The following BTBD9 variants were observed in gnomAD, a reference collection of about 807,000 sequenced individuals.
BTBD9 encodes BTB domain containing 9, also known as BTB/POZ domain-containing protein 9.
A neutral mutation model predicts 64.3 loss-of-function variants in BTBD9; 49 were observed. The ratio of observed to expected loss-of-function variants is 0.76; its 90% CI spans 0.61 to 0.97. The LOEUF (loss-of-function observed/expected upper bound fraction) is 0.97, where lower values mean the gene tolerates loss of function less well. Among genes scored for constraint, BTBD9 ranks in the 50% least tolerant of loss-of-function variants. The pLI is 0.00. For missense variants in BTBD9, 598 were observed against 762.1 expected (o/e 0.78, Z 2.53); for synonymous variants, 260 against 274.7 (o/e 0.95, Z 0.53).
At chr6:38,468,314 T>A (rs1770488981) in intron 6 of BTBD9, among the ~76,000 whole-genome samples, 2 of 152,182 alleles carry the variant, frequency 1.3e-5, no homozygotes, top group South Asian at 4.1e-4. Context: ...AACCTATATA[T>A]CAACCTTATT....
At chr6:38,618,745 G>A (rs565438770) in intron 1 of BTBD9, among the ~76,000 whole-genome samples, 2 of 152,318 alleles carry the variant, frequency 1.3e-5, no homozygotes, top group South Asian at 4.1e-4. Flanking sequence ...ATAGGGTCTA[G>A]GGCAAACCTT....
intron 6 of BTBD9, among the ~76,000 whole-genome samples, chr6:38,516,601 C>A (rs1179363447): frequency 6.6e-6 from 1 of 152,180 alleles, no homozygotes; most frequent in Admixed American, 6.5e-5. Flanking sequence ...GGTCCAAATG[C>A]TCTGCCTCAA....
intron 6 of BTBD9, among the ~76,000 whole-genome samples, chr6:38,388,911 GA>G (rs1272034657): frequency 6.6e-6 from 1 of 152,102 alleles, no homozygotes; most frequent in Non-Finnish European, 1.5e-5. Context: ...CCTTTCTCAA[GA>G]AAGAAATCTG....
intron 6 of BTBD9, among the ~76,000 whole-genome samples, chr6:38,396,640 G>C (rs1766686837): frequency 6.6e-6 from 1 of 152,154 alleles, no homozygotes; most frequent in South Asian, 2.1e-4. Flanking sequence ...TCTTCCTTCA[G>C]GCTCTACATC....
At chr6:38,334,427 G>A (rs1291906754) in intron 7 of BTBD9, among the ~76,000 whole-genome samples, 1 of 152,054 alleles carries the variant, frequency 6.6e-6, no homozygotes, top group Non-Finnish European at 1.5e-5. Context: ...AGGCGTGGTG[G>A]TGCACACCTG....
Position 38,505,964 on chromosome 6 carries a change from C to CAAAAAAAAAAAAAAAAAAAA in BTBD9, c.1154+71616_1154+71635dup, listed in dbSNP as rs59014161. ...TGGCAACAGCATGGCTCCGTCTCAA[C>CAAAAAAAAAAAAAAAAAAAA]AAAAAAAAAAAAAAAAAAAAGGAAC... On this transcript the variant is annotated intron_variant, in intron 6 of 10. Transcript: ENST00000481247. Among the ~76,000 whole-genome samples the CAAAAAAAAAAAAAAAAAAAA allele has an allele frequency of 6.2e-4, 51 of 82,646 alleles. 4 individuals are homozygous for CAAAAAAAAAAAAAAAAAAAA. Among genetic ancestry groups the CAAAAAAAAAAAAAAAAAAAA allele is most frequent in the African/African-American group, 2.0e-3 (48 of 24,452 alleles). 54.2% of individuals were successfully genotyped at this position (82,646 alleles called of 152,430 possible).
chr6:38,476,946 TTTA>T (rs1320864261), intron 6 of BTBD9, among the ~76,000 whole-genome samples: 4 of 152,230 alleles, frequency 2.6e-5, no homozygotes, highest in Non-Finnish European at 5.9e-5. Context: ...TTAACTGATT[TTTA>T]AAATATGCAC....
intron 6 of BTBD9, among the ~76,000 whole-genome samples, chr6:38,422,283 C>T (rs907034865): frequency 6.6e-6 from 1 of 152,180 alleles, no homozygotes; most frequent in Non-Finnish European, 1.5e-5. Flanking sequence ...TAGCAAGCTA[C>T]TGTAAAATGA....
intron 6 of BTBD9, among the ~76,000 whole-genome samples, chr6:38,389,636 T>C (rs1222983895): frequency 6.6e-6 from 1 of 152,186 alleles, no homozygotes; most frequent in Non-Finnish European, 1.5e-5. Context: ...GATATCCAAA[T>C]TGATTATTGT....
intron 9 of BTBD9, among the ~76,000 whole-genome samples, chr6:38,235,276 C>T (rs9380724): frequency 0.82 from 125,029 of 152,192 alleles, 51,472 homozygotes; most frequent in East Asian, 0.95. Context: ...TGCAGGTAGA[C>T]ACTGCATTTT....
intron 6 of BTBD9, among the ~76,000 whole-genome samples, chr6:38,423,180 G>A (rs757006935): frequency 2.6e-5 from 4 of 152,038 alleles, no homozygotes; most frequent in Admixed American, 6.6e-5. Context: ...CACGAGAATC[G>A]CTTGAACCTG....
At chr6:38,403,017 G>A (rs1284687081) in intron 6 of BTBD9, 15 of 348,590 alleles carry the variant, frequency 4.3e-5, no homozygotes, top group Non-Finnish European at 8.2e-5. Context: ...AGGCTGCAGT[G>A]AGCTATCATT....
At chr6:38,235,871 G>A (rs1444768607) in intron 9 of BTBD9, among the ~76,000 whole-genome samples, 2 of 152,100 alleles carry the variant, frequency 1.3e-5, no homozygotes, top group African/African-American at 2.4e-5. Flanking sequence ...GTTTTCAAAT[G>A]TATAAAATAG....
chr6:38,309,563 C>A (rs1278941534), intron 7 of BTBD9, among the ~76,000 whole-genome samples: 1 of 151,622 alleles, frequency 6.6e-6, no homozygotes, highest in African/African-American at 2.4e-5. Flanking sequence ...CAGGCACGCA[C>A]CACCACGCCC....
intron 6 of BTBD9, among the ~76,000 whole-genome samples, chr6:38,430,193 T>C (rs1768378135): frequency 6.6e-6 from 1 of 152,000 alleles, no homozygotes; most frequent in Non-Finnish European, 1.5e-5. Flanking sequence ...TTCCTTATTA[T>C]TCAGAATGTG....
At chr6:38,597,034 A>G (rs1777061383) in intron 2 of BTBD9, among the ~76,000 whole-genome samples, 1 of 152,206 alleles carries the variant, frequency 6.6e-6, no homozygotes, top group South Asian at 2.1e-4. Context: ...GGTTTCATCT[A>G]CAGTGGCATT....
chr6:38,585,404 G>A (rs1008461877), intron 4 of BTBD9, among the ~76,000 whole-genome samples: 3 of 152,060 alleles, frequency 2.0e-5, no homozygotes, highest in African/African-American at 7.2e-5. Flanking sequence ...AAACTACTGG[G>A]CTCAAACAAT....
At chr6:38,307,907 T>C (rs1733522423) in intron 7 of BTBD9, among the ~76,000 whole-genome samples, 1 of 152,156 alleles carries the variant, frequency 6.6e-6, no homozygotes, top group South Asian at 2.1e-4. Flanking sequence ...TTCTAGAAGA[T>C]AAGAAATCAG....
intron 8 of BTBD9, among the ~76,000 whole-genome samples, chr6:38,271,156 AAAC>A (rs1415223141): frequency 6.6e-6 from 1 of 152,232 alleles, no homozygotes; most frequent in East Asian, 1.9e-4. Flanking sequence ...TCTCTTTTAC[AAAC>A]AACATCTTGG....
Sources: gnomAD v4.1 joint callset for allele counts (sites outside exome capture counted in the v4.1 genomes callset) on GRCh38, gnomAD v4.1.1 for gene constraint, MANE v1.5 for transcripts, NCBI Gene and HGNC (gene_info 2026-07-23, HGNC 2026-07-21) for gene names.